The following ULK1 variants were observed in gnomAD, a reference collection of about 807,000 sequenced individuals.
ULK1 encodes the protein serine/threonine-protein kinase ULK1.
Under a neutral mutation model 117.5 loss-of-function variants are expected in ULK1, and 48 were observed. That is an observed-to-expected ratio of 0.41 (90% CI 0.32 to 0.52). The LOEUF (loss-of-function observed/expected upper bound fraction) is 0.52, where lower values mean the gene tolerates loss of function less well. Ranked by LOEUF, ULK1 falls within the 20% of genes least tolerant of loss-of-function variation. The pLI is 0.29. For missense variants in ULK1, 1,387 were observed against 1,473.4 expected (o/e 0.94, Z 0.96); for synonymous variants, 790 against 637.8 (o/e 1.24, Z -3.60).
chr12:131,896,553 C>A, intron 3 of ULK1: 1 of 152,614 alleles, frequency 6.6e-6, no homozygotes, highest in Non-Finnish European at 1.5e-5. Flanking sequence ...GAGGGAAGGG[C>A]TGGCAGGCCG....
Position 131,915,981 on chromosome 12 carries a change from G to T in ULK1, c.1700G>T (p.Arg567Leu), listed in dbSNP as rs192583536. 2 of 1,612,080 alleles carry T rather than the reference G, an allele frequency of 1.2e-6. No individual in the cohort carries two copies. Among genetic ancestry groups the T allele is most frequent in the African/African-American group, 1.3e-5 (1 of 74,808 alleles). The change falls in exon 19 of 28, where the codon CGC becomes CTC. Residue 567 changes from arginine to leucine, a missense_variant. Arg to Leu is a moderately radical substitution (Grantham distance 102). Transcript: ENST00000321867. ...APNLSDLHVV[R>L]PKLPKPPTDP... The stretch of plus-strand genomic sequence containing the variant: ...AACCTGTCTGACTTGCACGTCGTCC[G>T]CCCCAAGCTGCCCAAACCCCCCACG...
In ULK1 at chr12:131,913,262, A is replaced by AG. The variant is rs769147407; in HGVS notation, c.1157+5dup. ...CAGACAGCCTGATGTGCAGTGGGTGAGCCCCCATCCCTTACCTCTGTATTT... is the reference window on the plus strand; with the variant it reads ...CAGACAGCCTGATGTGCAGTGGGTGAGGCCCCCATCCCTTACCTCTGTATTT... On this transcript the variant is annotated splice_donor_region_variant and intron_variant, in intron 14 of 27. Coordinates refer to ENST00000321867, the MANE Select transcript of ULK1 (RefSeq NM_003565.4). 1.3e-6 allele frequency: 2 copies of AG among 1,573,954 alleles called. No homozygotes were observed. Among genetic ancestry groups the AG allele is most frequent in the Admixed American group, 3.7e-5 (2 of 53,746 alleles).
rs367752822 is a variant in ULK1, at chr12:131,919,601, C to T, written c.2803+11C>T. 3.2e-4 allele frequency: 514 copies of T among 1,609,294 alleles called. No individual in the cohort carries two copies. Among genetic ancestry groups the T allele is most frequent in the Non-Finnish European group, 3.9e-4 (454 of 1,178,614 alleles). Reference sequence around the variant, plus strand: ...CCACTGTGAAGCAGGGTGAGGGCTGCGACCGCTCAGCCCACATGCCGGGTT... The same window carrying T: ...CCACTGTGAAGCAGGGTGAGGGCTGTGACCGCTCAGCCCACATGCCGGGTT... On this transcript the variant is annotated intron_variant, in intron 25 of 27. Coordinates refer to ENST00000321867, the MANE Select transcript of ULK1 (RefSeq NM_003565.4).
At chr12:131,913,169 T>C in intron 13 of ULK1, 29 bp from the exon 14 acceptor site, 1 of 1,551,068 alleles carries the variant, frequency 6.4e-7, no homozygotes, top group Non-Finnish European at 8.6e-7. Context: ...CGGCAAGGAC[T>C]CCAGGCCCAG....
chr12:131,898,259 T>C (rs1422690297), intron 3 of ULK1: 1 of 152,228 alleles, frequency 6.6e-6, no homozygotes, highest in African/African-American at 2.4e-5. Flanking sequence ...GAGGTTATTT[T>C]GGGATGCTGG....
Position 131,908,649 on chromosome 12 carries a change from C to A in ULK1, c.322C>A (p.Arg108Ser). 1 of 1,528,702 alleles carries A rather than the reference C, an allele frequency of 6.5e-7. No individual in the cohort carries two copies. The allele number at this position is 1,528,702 out of a possible 1,614,324, so 94.7% of individuals were successfully genotyped here. A position where few individuals can be genotyped will look rare whatever the true frequency, so the allele number is the denominator to read the frequency against. Residue 108 changes from arginine to serine, a missense_variant, in exon 6 of 28, where the codon CGC becomes AGC. Arg to Ser is a moderately radical substitution (Grantham distance 110). Coordinates refer to ENST00000321867, the MANE Select transcript of ULK1 (RefSeq NM_003565.4). ...GDLADYLHAM[R>S]TLSEDTIRLF... ...TGAGCCGCCTCTCCCCGCAGCCATGCGCACGCTGAGCGAGGACACCATCAG... is the reference window on the plus strand; with the variant it reads ...TGAGCCGCCTCTCCCCGCAGCCATGAGCACGCTGAGCGAGGACACCATCAG...
Position 131,921,515 on chromosome 12 carries a change from C to A in ULK1, c.*154C>A. ...GACAGTCAGCCTGCCGGCCTCCCTG[C>A]AGCTCACGGGGCAGAACCAGCACAT... is the stretch of plus-strand genomic sequence containing the variant. On this transcript the variant is annotated 3_prime_UTR_variant, in exon 28 of 28. Coordinates refer to ENST00000321867, the MANE Select transcript of ULK1 (RefSeq NM_003565.4). 1 of 1,141,526 alleles carries A rather than the reference C, an allele frequency of 8.8e-7. No homozygotes were observed. Among genetic ancestry groups the A allele is most frequent in the Non-Finnish European group, 1.3e-6 (1 of 784,816 alleles). 70.7% of individuals were successfully genotyped at this position (1,141,526 alleles called of 1,614,324 possible). A position where few individuals can be genotyped will look rare whatever the true frequency, so the allele number is the denominator to read the frequency against.
chr12:131,905,157 G>A (rs962550594), intron 3 of ULK1, among the ~76,000 whole-genome samples: 2 of 152,144 alleles, frequency 1.3e-5, no homozygotes, highest in African/African-American at 2.4e-5. Flanking sequence ...GTGGATCCTG[G>A]GGTTGCTGCC....
intron 3 of ULK1, among the ~76,000 whole-genome samples, chr12:131,899,499 AT>A (rs1358214156): frequency 6.8e-6 from 1 of 146,622 alleles, no homozygotes; most frequent in East Asian, 2.1e-4. Context: ...ATTTTAATAT[AT>A]TTTTTAAAGA....
rs1889757762 is a variant in ULK1 at position 131,915,914 on chromosome 12, C to G, written c.1633C>G (p.Pro545Ala). ...AGGCTCCTCTGCACCCGAGCACTCT[C>G]CCCGCACTTCCGGGCTGGGCTGCCG... ...RPGSSAPEHS[P>A]RTSGLGCRLH... The change falls in exon 19 of 28, where the codon CCC becomes GCC. Residue 545 changes from proline (P) to alanine (A), a missense_variant. Pro to Ala is a conservative substitution (Grantham distance 27). Transcript: ENST00000321867. 4 of 1,611,900 alleles carry G rather than the reference C, an allele frequency of 2.5e-6. No homozygotes were observed. Among genetic ancestry groups the G allele is most frequent in the African/African-American group, 2.7e-5 (2 of 75,038 alleles).
Position 131,918,544 on chromosome 12 carries a change from G to A in ULK1, c.2374G>A (p.Gly792Arg), listed in dbSNP as rs367722967. 19 of 1,610,862 alleles carry A rather than the reference G, an allele frequency of 1.2e-5. No individual in the cohort carries two copies. The highest frequency in any genetic ancestry group is 1.3e-5 in the Non-Finnish European group (15 of 1,179,218). The change falls in exon 23 of 28, where the codon GGG (glycine) becomes AGG (arginine). Residue 792 changes from glycine (G) to arginine (R), a missense_variant. Around this residue, in one of 4 missense-constraint regions of ULK1, gnomAD observed 900 missense variants for 858.9 expected, o/e 1.05. Coordinates refer to ENST00000321867, the MANE Select transcript of ULK1 (RefSeq NM_003565.4). ...CTCTTCTGCCCGCCACCTGGTGCCT[G>A]GGCCCTGCAGCGAGGCCCCAGCCCC... Reference protein sequence around the residue: ...ASSSARHLVPGPCSEAPAPEL... With the variant: ...ASSSARHLVPRPCSEAPAPEL...
At chr12:131,910,166 C>A (rs1359098391) in intron 10 of ULK1, 88 bp from the exon 11 acceptor site, 1 of 1,588,246 alleles carries the variant, frequency 6.3e-7, no homozygotes, top group African/African-American at 1.3e-5. Flanking sequence ...AGGTGCCCAA[C>A]GCGGCTGGAG....
Position 131,909,990 on chromosome 12 carries a change from G to A in ULK1, c.797G>A (p.Arg266His), listed in dbSNP as rs1015290249. The change falls in exon 10 of 28, where the codon CGC becomes CAC. Residue 266 changes from arginine (R) to histidine (H), a missense_variant. Physicochemically the swap from Arg to His is conservative, Grantham distance 29. Transcript: ENST00000321867. ...LALLQRNHKD[R>H]MDFDEFFHHP... is the part of the protein sequence containing the mutation. ...CTACTGCAACGCAACCACAAGGACCGCATGGACTTCGGTGAGCACCCACCA... is the reference window on the plus strand; with the variant it reads ...CTACTGCAACGCAACCACAAGGACCACATGGACTTCGGTGAGCACCCACCA... 1 of 1,611,854 alleles carries A rather than the reference G, an allele frequency of 6.2e-7. No homozygotes were observed. Among genetic ancestry groups the A allele is most frequent in the Non-Finnish European group, 8.5e-7 (1 of 1,179,830 alleles).
At position 131,916,443 on chromosome 12, in the gene ULK1, C is replaced by T. The variant is rs1381146312; in HGVS notation, c.1924C>T (p.Leu642=). The T allele has an allele frequency of 7.5e-6, 12 of 1,609,148 alleles. No individual in the cohort carries two copies. Among genetic ancestry groups the T allele is most frequent in the Non-Finnish European group, 1.0e-5 (12 of 1,178,456 alleles). Residue 642 remains leucine (L), a synonymous_variant, in exon 20 of 28, where the codon CTG becomes TTG. Transcript: ENST00000321867. ...CCCGAAGACCCCCAGCTCCCAGAACCTGCTGGCCCTCCTAGCCCGGCAGGG... is the reference window on the plus strand; with the variant it reads ...CCCGAAGACCCCCAGCTCCCAGAACTTGCTGGCCCTCCTAGCCCGGCAGGG... The part of the protein sequence containing the change: ...DFPKTPSSQN[L]LALLARQGVV...
rs559638299 is a variant in ULK1 at position 131,907,003 on chromosome 12, G to A, written c.279+79G>A. 1.4e-4 allele frequency: 216 copies of A among 1,587,608 alleles called. 1 individual carries two copies. The African/African-American group carries it at 2.1e-3, about 16-fold the overall frequency. ...AGCCCCACAGGGAGGGACATGGCTG[G>A]GGGGAGGGTGATGAGCACCTTTTCT... is the stretch of plus-strand genomic sequence containing the variant. On this transcript the variant is annotated intron_variant, in intron 4 of 27. Transcript: ENST00000321867.
chr12:131,919,244 C>T lies in ULK1; in HGVS notation c.2544C>T (p.Arg848=), dbSNP rs1890036853. The T allele has an allele frequency of 6.3e-7, 1 of 1,597,616 alleles. No homozygotes were observed. Among genetic ancestry groups the T allele is most frequent in the South Asian group, 1.1e-5 (1 of 90,868 alleles). ...QEHTEILRGL[R]FTLLFVQHVL... ...ACACGGAGATCCTGCGTGGCCTGCG[C>T]TTCACGCTGCTGTTCGTGCAGCACG... The change falls in exon 24 of 28, where the codon CGC becomes CGT. Residue 848 remains arginine (R), a synonymous_variant. Transcript: ENST00000321867.
At chr12:131,915,776 GAA>G (rs1336695220) in intron 18 of ULK1, 113 bp from the exon 19 acceptor site, 24 of 1,438,370 alleles carry the variant, frequency 1.7e-5, no homozygotes, top group Middle Eastern at 2.0e-4. Flanking sequence ...CTCAACAAAA[GAA>G]AAAGAGTGGG....
At chr12:131,899,132 G>A (rs962091357) in intron 3 of ULK1, among the ~76,000 whole-genome samples, 1 of 151,984 alleles carries the variant, frequency 6.6e-6, no homozygotes, top group African/African-American at 2.4e-5. Context: ...CTCCCAAAGT[G>A]CTGGGATTAC....
In ULK1 at chr12:131,916,584, T is replaced by G. The variant is rs1254080620; in HGVS notation, c.2065T>G (p.Phe689Val). Reference sequence around the variant, plus strand: ...GCCAGGCGAGGACCCCAAGGGCCCCTTTGGCCGGTGAGTTGAGGGGACAGG... The same window carrying G: ...GCCAGGCGAGGACCCCAAGGGCCCCGTTGGCCGGTGAGTTGAGGGGACAGG... ...LRPGEDPKGP[F>V]GRSFSTSRLT... The change falls in exon 20 of 28, where the codon TTT (phenylalanine) becomes GTT (valine). Residue 689 changes from phenylalanine to valine, a missense_variant. Physicochemically the swap from Phe to Val is conservative, Grantham distance 50. This residue lies in a region of ULK1 where 900 missense variants were observed against 858.9 expected (regional missense o/e 1.05). Coordinates refer to ENST00000321867, the MANE Select transcript of ULK1 (RefSeq NM_003565.4). 1.9e-6 allele frequency: 3 copies of G among 1,577,504 alleles called. No individual in the cohort carries two copies. The Admixed American group carries it at 5.7e-5, about 30-fold the overall frequency.
Sources: gnomAD v4.1 joint callset for allele counts (sites outside exome capture counted in the v4.1 genomes callset) on GRCh38, gnomAD v4.1.1 for gene constraint, gnomAD v4.1.1 regional missense constraint, MANE v1.5 for transcripts, NCBI Gene and HGNC (gene_info 2026-07-23, HGNC 2026-07-21) for gene names.